Variants in DLGAP4 observed in about 807,000 individuals in gnomAD.
DLGAP4 encodes the protein DLG associated protein 4.
In DLGAP4, 18 loss-of-function variants were observed where a neutral mutation model predicts 86.9. That is an observed-to-expected ratio of 0.21 (90% CI 0.14 to 0.31). The LOEUF is 0.31. Among genes scored for constraint, DLGAP4 ranks in the 10% least tolerant of loss-of-function variants. DLGAP4 has a pLI of 1.00. For missense variants in DLGAP4, 1,085 were observed against 1,362.6 expected (o/e 0.80, Z 3.21); for synonymous variants, 548 against 574.3 (o/e 0.95, Z 0.65).
chr20:36,461,177 G>T (rs373232708), intron 7 of DLGAP4, among the ~76,000 whole-genome samples: 7 of 152,064 alleles, frequency 4.6e-5, no homozygotes, highest in Admixed American at 4.6e-4. Flanking sequence ...CCGGTTTGGC[G>T]AGGCGGTTCG....
chr20:36,447,162 G>C (rs942028019), intron 7 of DLGAP4, among the ~76,000 whole-genome samples: 1 of 152,186 alleles, frequency 6.6e-6, no homozygotes, highest in African/African-American at 2.4e-5. Flanking sequence ...ACCCCTGGGG[G>C]GCATGGGAGG....
intron 2 of DLGAP4, among the ~76,000 whole-genome samples, chr20:36,408,864 C>A (rs1466764839): frequency 1.3e-5 from 2 of 152,154 alleles, no homozygotes; most frequent in Non-Finnish European, 2.9e-5. Flanking sequence ...ATGGTGAAAT[C>A]CAAATAAAGT....
intron 2 of DLGAP4, among the ~76,000 whole-genome samples, chr20:36,406,675 A>G (rs1241585356): frequency 6.6e-6 from 1 of 152,170 alleles, no homozygotes; most frequent in Non-Finnish European, 1.5e-5. Flanking sequence ...TCCCAACGCT[A>G]GAACACAGCT....
chr20:36,376,577 G>A (rs2031163820), intron 2 of DLGAP4, among the ~76,000 whole-genome samples: 1 of 152,178 alleles, frequency 6.6e-6, no homozygotes, highest in Admixed American at 6.5e-5. Flanking sequence ...GTGGCGTTTA[G>A]CAGGGAGATT....
chr20:36,430,673 G>T (rs1389926547), intron 2 of DLGAP4, among the ~76,000 whole-genome samples: 1 of 127,882 alleles, frequency 7.8e-6, no homozygotes, highest in Non-Finnish European at 1.7e-5. Context: ...AAAAAAAAAA[G>T]GCCAGGCATG....
At chr20:36,445,204 A>C (rs1023425540) in intron 6 of DLGAP4, among the ~76,000 whole-genome samples, 2 of 152,130 alleles carry the variant, frequency 1.3e-5, no homozygotes, top group African/African-American at 4.8e-5. Context: ...CATGGCTGCC[A>C]TACTGAAATG....
At chr20:36,417,220 G>A (rs2032680087) in intron 2 of DLGAP4, among the ~76,000 whole-genome samples, 1 of 152,174 alleles carries the variant, frequency 6.6e-6, no homozygotes, top group African/African-American at 2.4e-5. Context: ...ATCAATAGAG[G>A]CAGCCGAGTA....
At chr20:36,461,688 GC>G (rs2034068294) in intron 7 of DLGAP4, 3 of 184,126 alleles carry the variant, frequency 1.6e-5, no homozygotes, top group African/African-American at 1.1e-4. Context: ...GCCCTGCCCC[GC>G]CCCCGCCCTC....
At chr20:36,339,066 T>C (rs922394094) in intron 1 of DLGAP4, among the ~76,000 whole-genome samples, 45 of 152,198 alleles carry the variant, frequency 3.0e-4, no homozygotes, top group African/African-American at 9.7e-4. Context: ...CGGAGGGTTT[T>C]AGGCAGAAGG....
intron 10 of DLGAP4, among the ~76,000 whole-genome samples, chr20:36,502,525 A>AT (rs906827331): frequency 4.0e-4 from 59 of 147,830 alleles, no homozygotes; most frequent in Admixed American, 3.8e-3. Context: ...TAATTTTTAA[A>AT]TTTTTTTGTA....
At chr20:36,352,204 T>C (rs1297887874) in intron 1 of DLGAP4, among the ~76,000 whole-genome samples, 4 of 151,820 alleles carry the variant, frequency 2.6e-5, no homozygotes, top group Middle Eastern at 6.8e-3. Context: ...GAGGGCATGA[T>C]GGTGAGAGTG....
At chr20:36,359,352 C>T (rs1320212017) in intron 1 of DLGAP4, among the ~76,000 whole-genome samples, 2 of 152,254 alleles carry the variant, frequency 1.3e-5, no homozygotes, top group Non-Finnish European at 2.9e-5. Flanking sequence ...AGTAGCCACA[C>T]GTGGCTCACG....
intron 4 of DLGAP4, 52 bp from the exon 5 acceptor site, chr20:36,439,702 C>A: frequency 6.5e-7 from 1 of 1,527,674 alleles, no homozygotes; most frequent in Non-Finnish European, 9.0e-7. Flanking sequence ...CCTCCAAAAG[C>A]TGGGTGAACA....
rs548999259 is a variant in DLGAP4, at chr20:36,407,986, G to A, written c.-72-23660G>A. Among the ~76,000 whole-genome samples, 15 of 152,114 alleles carry A rather than the reference G, an allele frequency of 9.9e-5. No homozygotes were observed. The East Asian group carries it at 2.1e-3, about 22-fold the overall frequency. ...CTCTGGACTTAGGCAGCCTGGGTTCGAATCCCAGCAAAGTCATGGAAGTCT... is the reference window on the plus strand; with the variant it reads ...CTCTGGACTTAGGCAGCCTGGGTTCAAATCCCAGCAAAGTCATGGAAGTCT... On this transcript the variant is annotated intron_variant, in intron 2 of 12. Coordinates refer to ENST00000339266, the MANE Select transcript of DLGAP4 (RefSeq NM_001365621.2).
Position 36,497,076 on chromosome 20 carries a change from C to T in DLGAP4, c.2010+10C>T, listed in dbSNP as rs934252363. 6.3e-7 allele frequency: 1 copy of T among 1,577,706 alleles called. No homozygotes were observed. The highest frequency in any genetic ancestry group is 8.6e-7 in the Non-Finnish European group (1 of 1,159,004). ...ATCGATAGGAATACAAGTAGGGGCT[C>T]CTTTTGCACTCTGTGTCCTCAGCCC... On this transcript the variant is annotated intron_variant, in intron 8 of 12. Transcript: ENST00000339266.
At chr20:36,345,493 T>C (rs2029908593) in intron 1 of DLGAP4, among the ~76,000 whole-genome samples, 1 of 152,178 alleles carries the variant, frequency 6.6e-6, no homozygotes, top group South Asian at 2.1e-4. Context: ...TTTGGGCAGG[T>C]CACTTCTCTT....
At chr20:36,352,994 C>T (rs905709172) in intron 1 of DLGAP4, among the ~76,000 whole-genome samples, 1 of 152,192 alleles carries the variant, frequency 6.6e-6, no homozygotes, top group African/African-American at 2.4e-5. Context: ...GCCCTCACCT[C>T]CTCCTGCGTC....
At chr20:36,307,809 A>G (rs1555889625) in intron 1 of DLGAP4, among the ~76,000 whole-genome samples, 1 of 151,854 alleles carries the variant, frequency 6.6e-6, no homozygotes, top group Non-Finnish European at 1.5e-5. Flanking sequence ...CTGAGCCCTC[A>G]CTTGTGGGAG....
At chr20:36,326,667 T>C (rs2065218434) in intron 1 of DLGAP4, among the ~76,000 whole-genome samples, 1 of 152,214 alleles carries the variant, frequency 6.6e-6, no homozygotes, top group African/African-American at 2.4e-5. Context: ...TTCAGTGCTC[T>C]TCATTCCTTT....
Sources: gnomAD v4.1 joint callset for allele counts (sites outside exome capture counted in the v4.1 genomes callset) on GRCh38, gnomAD v4.1.1 for gene constraint, MANE v1.5 for transcripts, NCBI Gene and HGNC (gene_info 2026-07-23, HGNC 2026-07-21) for gene names.